Variants in PNKD observed in about 807,000 individuals in gnomAD.
The protein encoded by PNKD is PNKD metallo-beta-lactamase domain containing.
In PNKD, 36 loss-of-function variants were observed where a neutral mutation model predicts 45.3. That is an observed-to-expected ratio of 0.80 (90% CI 0.61 to 1.05). The LOEUF (loss-of-function observed/expected upper bound fraction) is 1.05, where lower values mean the gene tolerates loss of function less well. PNKD is among the 50% of genes least tolerant of loss of function. The pLI, the probability that PNKD is intolerant of heterozygous loss-of-function variation, is 0.00. For synonymous variants in PNKD, 197 were observed against 210.1 expected, an observed-to-expected ratio of 0.94 and a Z score of 0.54; for missense variants, 511 against 506.6, an observed-to-expected ratio of 1.01 and a Z score of -0.08.
intron 2 of PNKD, among the ~76,000 whole-genome samples, chr2:218,330,130 C>T (rs1422378621): frequency 6.6e-6 from 1 of 152,196 alleles, no homozygotes; most frequent in Non-Finnish European, 1.5e-5. Context: ...GGAGTCAAGG[C>T]AGGTGACCCT....
intron 2 of PNKD, among the ~76,000 whole-genome samples, chr2:218,322,572 C>T (rs1244991391): frequency 1.3e-5 from 2 of 152,198 alleles, no homozygotes; most frequent in Non-Finnish European, 2.9e-5. Flanking sequence ...GGACTTATGT[C>T]GTCCGCTGGG....
chr2:218,304,386 C>T (rs1468487076), intron 2 of PNKD, among the ~76,000 whole-genome samples: 2 of 151,968 alleles, frequency 1.3e-5, no homozygotes, highest in Admixed American at 6.6e-5. Context: ...TCAGGTCATC[C>T]ACCCGCCTCG....
chr2:218,344,482 G>C lies in PNKD; in HGVS notation c.896G>C (p.Gly299Ala), dbSNP rs751168512. ...CATGAGTATGCAGAGGAGAACCTGG[G>C]CTTTGCAGGTGTGGTGGAGCCCGAG... is the stretch of plus-strand genomic sequence containing the variant. ...PGHEYAEENL[G>A]FAGVVEPENL... Residue 299 changes from glycine to alanine, a missense_variant, in exon 9 of 10, where the codon GGC becomes GCC. Gly to Ala is a moderately conservative substitution (Grantham distance 60, BLOSUM62 0). Coordinates refer to ENST00000273077, the MANE Select transcript of PNKD (RefSeq NM_015488.5). 1 of 1,587,100 alleles carries C rather than the reference G, an allele frequency of 6.3e-7. No homozygotes were observed. The highest frequency in any genetic ancestry group is 1.1e-5 in the South Asian group (1 of 87,112).
intron 8 of PNKD, 92 bp from the exon 9 acceptor site, chr2:218,344,363 C>A: frequency 1.1e-6 from 1 of 887,930 alleles, no homozygotes; most frequent in Non-Finnish European, 1.8e-6. Context: ...TTGTCAGGTG[C>A]CCATCAGCCT....
chr2:218,277,569 C>A, intron 2 of PNKD: 1 of 1,611,922 alleles, frequency 6.2e-7, no homozygotes, highest in Non-Finnish European at 8.5e-7. Flanking sequence ...GGCTGCCGGC[C>A]CAGGAACACC....
intron 2 of PNKD, among the ~76,000 whole-genome samples, chr2:218,299,701 A>T (rs981398865): frequency 1.3e-5 from 2 of 150,734 alleles, no homozygotes; most frequent in African/African-American, 4.9e-5. Flanking sequence ...AGCTCACTAC[A>T]ACCTCCACCT....
At chr2:218,280,576 CAGGTGTGCAAA>C (rs2106205917) in intron 2 of PNKD, 1 of 226,308 alleles carries the variant, frequency 4.4e-6, no homozygotes, top group Non-Finnish European at 8.9e-6. Flanking sequence ...CTCACAGAGG[CAGGTGTGCAAA>C]GGGTGTGCGT....
At chr2:218,330,769 C>G (rs963994566) in intron 2 of PNKD, among the ~76,000 whole-genome samples, 1 of 152,208 alleles carries the variant, frequency 6.6e-6, no homozygotes, top group African/African-American at 2.4e-5. Flanking sequence ...TTTTGTTTAA[C>G]CAGCACCCCC....
intron 1 of PNKD, chr2:218,270,998 G>T: frequency 2.3e-6 from 1 of 436,570 alleles, no homozygotes. Flanking sequence ...TACAGTGCAA[G>T]GGATGGAGTA....
intron 2 of PNKD, chr2:218,276,052 C>A: frequency 6.2e-7 from 1 of 1,613,076 alleles, no homozygotes; most frequent in South Asian, 1.1e-5. Context: ...GCCCCCAGAG[C>A]AGCATAGAGC....
chr2:218,310,782 G>A (rs982922229), intron 2 of PNKD, among the ~76,000 whole-genome samples: 3 of 151,710 alleles, frequency 2.0e-5, no homozygotes, highest in Admixed American at 2.0e-4. Flanking sequence ...AGTAGAGATG[G>A]GGTTTCACCA....
chr2:218,344,363 C>T (rs1308813005), intron 8 of PNKD, 92 bp from the exon 9 acceptor site: 15 of 887,814 alleles, frequency 1.7e-5, no homozygotes, highest in Non-Finnish European at 2.8e-5. Flanking sequence ...TTGTCAGGTG[C>T]CCATCAGCCT....
In PNKD at chr2:218,342,181, A is replaced by G. The variant is rs199634984; in HGVS notation, c.781+37A>G. 800 of 1,589,698 alleles carry G rather than the reference A, an allele frequency of 5.0e-4. 17 individuals are homozygous for G. In the East Asian group the frequency reaches 0.017, roughly 33 times the overall value. Reference sequence around the variant, plus strand: ...CGAAAGAGAGAGGAGCTGGGAGAGGAGGGAGAGACAGAAGCCAGGGCAGCC... The same window carrying G: ...CGAAAGAGAGAGGAGCTGGGAGAGGGGGGAGAGACAGAAGCCAGGGCAGCC... On this transcript the variant is annotated intron_variant, in intron 7 of 9. Coordinates refer to ENST00000273077, the MANE Select transcript of PNKD (RefSeq NM_015488.5).
intron 2 of PNKD, among the ~76,000 whole-genome samples, chr2:218,301,457 T>G (rs982017959): frequency 6.6e-6 from 1 of 152,090 alleles, no homozygotes; most frequent in Non-Finnish European, 1.5e-5. Flanking sequence ...ACATGACCAC[T>G]AGGGGGCAGA....
At chr2:218,299,102 CCTTT>C (rs1375348088) in intron 2 of PNKD, among the ~76,000 whole-genome samples, 2 of 151,936 alleles carry the variant, frequency 1.3e-5, no homozygotes, top group Non-Finnish European at 2.9e-5. Flanking sequence ...ACCACCTGTT[CCTTT>C]ATTTTATTTA....
At chr2:218,311,099 C>A (rs936282599) in intron 2 of PNKD, among the ~76,000 whole-genome samples, 5 of 152,140 alleles carry the variant, frequency 3.3e-5, no homozygotes, top group African/African-American at 1.2e-4. Context: ...GTATTCCTGT[C>A]CTTAAGTAAC....
At chr2:218,293,588 T>TTG (rs1416163572) in intron 2 of PNKD, among the ~76,000 whole-genome samples, 2 of 146,960 alleles carry the variant, frequency 1.4e-5, no homozygotes, top group Non-Finnish European at 3.0e-5. Context: ...TCCTTTTTTT[T>TTG]TTTTTTTTTT....
chr2:218,271,442 C>T lies in PNKD; in HGVS notation c.129C>T (p.Ser43=), dbSNP rs199629886. Residue 43 remains serine (S), a synonymous_variant, in exon 2 of 10, where the codon AGC becomes AGT. Transcript: ENST00000273077. The part of the protein sequence containing the change: ...ASHNRTRALQ[S]HSSPEGKEEP... ...ATAACAGGACCCGGGCCCTGCAAAG[C>T]CACAGCTCCCCAGAGGGCAAGGAGG... 2.8e-5 allele frequency: 45 copies of T among 1,614,104 alleles called. No individual in the cohort carries two copies. Among genetic ancestry groups the T allele is most frequent in the Non-Finnish European group, 3.7e-5 (44 of 1,179,948 alleles).
intron 2 of PNKD, 96 bp downstream of exon 2, chr2:218,271,645 ATC>A (rs1690838546): frequency 2.7e-6 from 3 of 1,102,506 alleles, no homozygotes; most frequent in Non-Finnish European, 4.0e-6. Flanking sequence ...GGCGAGCTGA[ATC>A]CAAAGTTGTG....
Sources: gnomAD v4.1 joint callset for allele counts (sites outside exome capture counted in the v4.1 genomes callset) on GRCh38, gnomAD v4.1.1 for gene constraint, MANE v1.5 for transcripts, NCBI Gene and HGNC (gene_info 2026-07-23, HGNC 2026-07-21) for gene names.